The following PAPPA variants were observed in gnomAD, a reference collection of about 807,000 sequenced individuals.
The protein encoded by PAPPA is pappalysin 1.
A neutral mutation model predicts 164.0 loss-of-function variants in PAPPA; 60 were observed. That is an observed-to-expected ratio of 0.37 (90% CI 0.30 to 0.45). The LOEUF (loss-of-function observed/expected upper bound fraction) is 0.45. PAPPA is among the 20% of genes least tolerant of loss of function. PAPPA has a pLI of 1.00. For missense variants in PAPPA, 1,782 were observed against 2,087.3 expected (o/e 0.85, Z 2.85); for synonymous variants, 875 against 814.1 (o/e 1.07, Z -1.27).
At chr9:116,387,531 A>G (rs1175804948) in intron 21 of PAPPA, among the ~76,000 whole-genome samples, 1 of 152,002 alleles carries the variant, frequency 6.6e-6, no homozygotes, top group East Asian at 1.9e-4. Context: ...ACACCATCAC[A>G]CCATGCTAAT....
chr9:116,224,074 A>G (rs1052601389), intron 5 of PAPPA, among the ~76,000 whole-genome samples: 2 of 152,166 alleles, frequency 1.3e-5, no homozygotes, highest in African/African-American at 4.8e-5. Flanking sequence ...CACTACATCC[A>G]TCAATGCCAA....
chr9:116,371,613 A>T (rs1307375373), intron 19 of PAPPA, among the ~76,000 whole-genome samples: 3 of 150,592 alleles, frequency 2.0e-5, no homozygotes, highest in African/African-American at 7.3e-5. Flanking sequence ...TTTTATTTTT[A>T]TTTTTTTTTA....
intron 19 of PAPPA, among the ~76,000 whole-genome samples, chr9:116,375,402 C>T (rs112441882): frequency 2.2e-4 from 33 of 152,228 alleles, no homozygotes; most frequent in African/African-American, 6.5e-4. Context: ...TACATTCAGC[C>T]TATACTAAAC....
chr9:116,341,918 C>T (rs190109118), intron 13 of PAPPA, among the ~76,000 whole-genome samples: 33 of 152,324 alleles, frequency 2.2e-4, no homozygotes, highest in South Asian at 8.3e-4. Flanking sequence ...GGGCTGGAGC[C>T]CAGATTTCCC....
chr9:116,251,659 C>A (rs1481472228), intron 7 of PAPPA, among the ~76,000 whole-genome samples: 1 of 152,224 alleles, frequency 6.6e-6, no homozygotes, highest in Non-Finnish European at 1.5e-5. Flanking sequence ...CTCCCAGAGT[C>A]CTTGGTGACT....
chr9:116,285,462 AT>A (rs1192346242), intron 9 of PAPPA, among the ~76,000 whole-genome samples: 7 of 152,048 alleles, frequency 4.6e-5, no homozygotes, highest in African/African-American at 1.4e-4. Context: ...CTTGTGCTTT[AT>A]ACCTCCTACT....
chr9:116,169,384 A>G (rs1303548573), intron 1 of PAPPA, among the ~76,000 whole-genome samples: 3 of 134,814 alleles, frequency 2.2e-5, no homozygotes, highest in South Asian at 2.5e-4. Context: ...CAGTGGCACA[A>G]TCTTGGCTTA....
chr9:116,243,666 ATCT>A, intron 7 of PAPPA, among the ~76,000 whole-genome samples: 1 of 152,332 alleles, frequency 6.6e-6, no homozygotes, highest in Non-Finnish European at 1.5e-5. Context: ...CTAAAATTAG[ATCT>A]TCTTATTTCC....
intron 4 of PAPPA, among the ~76,000 whole-genome samples, chr9:116,219,671 G>A (rs1587957774): frequency 6.6e-6 from 1 of 152,218 alleles, no homozygotes. Context: ...TGACCTCTGG[G>A]CTGCTCTCTT....
chr9:116,265,891 G>A lies in PAPPA; in HGVS notation c.2767G>A (p.Val923Ile), dbSNP rs1486816344. The A allele has an allele frequency of 6.2e-7, 1 of 1,610,668 alleles. No homozygotes were observed. Among genetic ancestry groups the A allele is most frequent in the South Asian group, 1.1e-5 (1 of 90,966 alleles). Residue 923 changes from valine to isoleucine, a missense_variant, in exon 8 of 22, where the codon GTC becomes ATC. Around this residue, in one of 2 missense-constraint regions of PAPPA, gnomAD observed 1,324 missense variants for 1,656.9 expected, o/e 0.80. Coordinates refer to ENST00000328252, the MANE Select transcript of PAPPA (RefSeq NM_002581.5). ...TCTTGGCAGTGTGTACCAGTATTGGGTCATAACTATTTCAGGAACTGAAGA... is the reference window on the plus strand; with the variant it reads ...TCTTGGCAGTGTGTACCAGTATTGGATCATAACTATTTCAGGAACTGAAGA... ...LNLGSVYQYW[V>I]ITISGTEESE...
At chr9:116,250,013 ATG>A (rs67162181) in intron 7 of PAPPA, among the ~76,000 whole-genome samples, 21,641 of 143,252 alleles carry the variant, frequency 0.15, 1,567 homozygotes, top group East Asian at 0.26. Flanking sequence ...GTACCTGCAT[ATG>A]TGTGTGTGTG....
chr9:116,177,919 G>A (rs1004304198), intron 1 of PAPPA, among the ~76,000 whole-genome samples: 2 of 151,458 alleles, frequency 1.3e-5, no homozygotes, highest in Middle Eastern at 3.2e-3. Context: ...CCTTTCTTAC[G>A]TTGATGTGCA....
chr9:116,184,621 G>A (rs1409885690), intron 1 of PAPPA, among the ~76,000 whole-genome samples: 2 of 152,094 alleles, frequency 1.3e-5, no homozygotes, highest in Non-Finnish European at 2.9e-5. Context: ...TACAGATGAA[G>A]GAATTAAGGC....
intron 19 of PAPPA, among the ~76,000 whole-genome samples, chr9:116,371,303 G>A (rs1276059387): frequency 6.6e-6 from 1 of 152,140 alleles, no homozygotes; most frequent in East Asian, 1.9e-4. Context: ...TGTAATCCCA[G>A]CTACTCGGGA....
At chr9:116,227,855 C>T (rs908313009) in intron 6 of PAPPA, among the ~76,000 whole-genome samples, 4 of 152,256 alleles carry the variant, frequency 2.6e-5, no homozygotes, top group Middle Eastern at 3.4e-3. Flanking sequence ...ATTTATATAT[C>T]CTTCAGACCC....
rs972513363 is a variant in PAPPA, at chr9:116,375,601, C to A, written c.4606-1975C>A. Among the ~76,000 whole-genome samples, 13 of 152,276 alleles carry A rather than the reference C, an allele frequency of 8.5e-5. No individual in the cohort carries two copies. The South Asian group carries it at 2.5e-3, about 29-fold the overall frequency. ...TTTAGCATCCCCTCTGTCAGGCATT[C>A]CTGAAGGCATGGCATATCTAATGTG... On this transcript the variant is annotated intron_variant, in intron 19 of 21. Coordinates refer to ENST00000328252, the MANE Select transcript of PAPPA (RefSeq NM_002581.5).
chr9:116,171,084 A>G (rs1843770678), intron 1 of PAPPA, among the ~76,000 whole-genome samples: 1 of 152,206 alleles, frequency 6.6e-6, no homozygotes, highest in Non-Finnish European at 1.5e-5. Flanking sequence ...TTTTAGATCA[A>G]TAACAGTTTC....
At chr9:116,209,366 G>A (rs1844278866) in intron 3 of PAPPA, among the ~76,000 whole-genome samples, 2 of 152,122 alleles carry the variant, frequency 1.3e-5, no homozygotes, top group Admixed American at 6.5e-5. Context: ...GGTCCTAGGA[G>A]GCCAGAAGAC....
intron 13 of PAPPA, among the ~76,000 whole-genome samples, chr9:116,336,935 G>A (rs939110946): frequency 6.6e-6 from 1 of 152,176 alleles, no homozygotes; most frequent in Non-Finnish European, 1.5e-5. Flanking sequence ...TTAATAGAAA[G>A]GAACATTATC....
Sources: allele counts gnomAD v4.1 joint callset (sites outside exome capture counted in the v4.1 genomes callset), GRCh38; gene constraint gnomAD v4.1.1; regional missense constraint gnomAD v4.1.1; transcripts MANE v1.5; gene names NCBI Gene and HGNC (gene_info 2026-07-23, HGNC 2026-07-21).